Variants in DGKB observed in about 807,000 individuals in gnomAD.
The protein encoded by DGKB is diacylglycerol kinase beta, also known as 90 kDa diacylglycerol kinase.
Under a neutral mutation model 114.3 loss-of-function variants are expected in DGKB, and 67 were observed. That is an observed-to-expected ratio of 0.59 (90% CI 0.48 to 0.72). The LOEUF is 0.72. Ranked by LOEUF, DGKB falls within the 30% of genes least tolerant of loss-of-function variation. The pLI is 0.00. For missense variants in DGKB, 907 were observed against 975.2 expected (o/e 0.93, Z 0.93); for synonymous variants, 398 against 323.1 (o/e 1.23, Z -2.49).
At chr7:14,239,085 G>C (rs900402840) in intron 23 of DGKB, among the ~76,000 whole-genome samples, 1 of 151,838 alleles carries the variant, frequency 6.6e-6, no homozygotes, top group Non-Finnish European at 1.5e-5. Context: ...TTTTGCATTC[G>C]TGTTAGGCTT....
At chr7:14,294,589 G>A (rs1470420651) in intron 23 of DGKB, among the ~76,000 whole-genome samples, 1 of 152,164 alleles carries the variant, frequency 6.6e-6, no homozygotes, top group African/African-American at 2.4e-5. Context: ...TTCAGCTAAA[G>A]TTTATAGGGC....
At chr7:14,910,877 A>G (rs1207250224) in intron 1 of DGKB, among the ~76,000 whole-genome samples, 2 of 152,168 alleles carry the variant, frequency 1.3e-5, no homozygotes, top group Non-Finnish European at 2.9e-5. Flanking sequence ...TGCTTGAAAT[A>G]TTGATATTTT....
In DGKB at chr7:14,590,540, C is replaced by T. The variant is rs1056396289; in HGVS notation, c.1434-7403G>A. 3.3e-5 allele frequency among the ~76,000 whole-genome samples: 5 copies of T among 152,250 alleles called. No individual in the cohort carries two copies. In the East Asian group the frequency reaches 9.7e-4, roughly 29 times the overall value. ...ACCCCCAAACATAAACCCCATGTGA[C>T]TGTCAGACCAGCTTACTCTCTGTAA... On this transcript the variant is annotated intron_variant, in intron 17 of 25. Transcript: ENST00000402815.
intron 25 of DGKB, among the ~76,000 whole-genome samples, chr7:14,151,278 A>C (rs1000456587): frequency 6.6e-6 from 1 of 151,998 alleles, no homozygotes; most frequent in African/African-American, 2.4e-5. Context: ...ATTTCCAAAT[A>C]GTTGTTAAGA....
In DGKB at chr7:14,630,236, C is replaced by T. The variant is rs1157919165; in HGVS notation, c.1167G>A (p.Glu389=). The T allele has an allele frequency of 1.9e-6, 3 of 1,552,498 alleles. No individual in the cohort carries two copies. The highest frequency in any genetic ancestry group is 1.4e-5 in the African/African-American group (1 of 72,774). ...TGAAAACCTGTTTTTGCTTACGCAC[C>T]TCAGGAACTGAAACTCCTGAAGTGG... ...TLPTSGVSVP[E]ERQSTVKKEK... The change falls in exon 14 of 26, where the codon GAG becomes GAA. Residue 389 remains glutamate, a splice_region_variant and synonymous_variant. Coordinates refer to ENST00000402815, the MANE Select transcript of DGKB (RefSeq NM_001350709.2).
intron 21 of DGKB, among the ~76,000 whole-genome samples, chr7:14,385,055 TGGA>T (rs1820101398): frequency 6.6e-6 from 1 of 152,146 alleles, no homozygotes; most frequent in African/African-American, 2.4e-5. Flanking sequence ...TTCTTGGTGG[TGGA>T]GGTTTTGCTG....
chr7:14,249,595 A>AT (rs1794940695), intron 23 of DGKB, among the ~76,000 whole-genome samples: 2 of 151,912 alleles, frequency 1.3e-5, no homozygotes, highest in Admixed American at 1.3e-4. Flanking sequence ...AAATTTAACC[A>AT]TTTTTTCAAG....
chr7:14,730,306 G>C (rs1466306120), intron 5 of DGKB, among the ~76,000 whole-genome samples: 3 of 152,194 alleles, frequency 2.0e-5, no homozygotes, highest in Non-Finnish European at 4.4e-5. Context: ...AGAAGGGACA[G>C]GGATGCTACA....
At chr7:14,788,881 T>C (rs1178440358) in intron 2 of DGKB, among the ~76,000 whole-genome samples, 1 of 152,024 alleles carries the variant, frequency 6.6e-6, no homozygotes, top group Non-Finnish European at 1.5e-5. Flanking sequence ...AAACCTGCTT[T>C]TAAAAAAACC....
At chr7:14,344,490 G>A (rs1190139972) in intron 22 of DGKB, among the ~76,000 whole-genome samples, 2 of 151,514 alleles carry the variant, frequency 1.3e-5, no homozygotes, top group Non-Finnish European at 3.0e-5. Flanking sequence ...GCAAATTTTT[G>A]CATTTATTTT....
intron 5 of DGKB, among the ~76,000 whole-genome samples, chr7:14,734,612 A>G (rs532066485): frequency 1.6e-4 from 25 of 152,342 alleles, no homozygotes. Flanking sequence ...CCAGGCATTA[A>G]AGAGATTTGC....
At chr7:14,843,994 G>C (rs1409258352) in intron 1 of DGKB, among the ~76,000 whole-genome samples, 1 of 152,168 alleles carries the variant, frequency 6.6e-6, no homozygotes, top group Non-Finnish European at 1.5e-5. Flanking sequence ...ACTGGTGACT[G>C]AATCTGGTAG....
chr7:14,553,320 G>A (rs2128647659), intron 20 of DGKB, among the ~76,000 whole-genome samples: 1 of 152,284 alleles, frequency 6.6e-6, no homozygotes, highest in Non-Finnish European at 1.5e-5. Context: ...CTAAGAAAAT[G>A]TAGACTAAAT....
chr7:14,549,722 C>T (rs1486888316), intron 20 of DGKB, among the ~76,000 whole-genome samples: 1 of 152,176 alleles, frequency 6.6e-6, no homozygotes. Flanking sequence ...GACATGGTGG[C>T]TCACGCCTGT....
chr7:14,924,819 C>T (rs1470291207), intron 1 of DGKB, among the ~76,000 whole-genome samples: 1 of 152,074 alleles, frequency 6.6e-6, no homozygotes, highest in African/African-American at 2.4e-5. Flanking sequence ...ACCCTTTACC[C>T]AGCTCCTCTC....
intron 2 of DGKB, among the ~76,000 whole-genome samples, chr7:14,774,051 G>T (rs1463437842): frequency 6.6e-6 from 1 of 152,082 alleles, no homozygotes; most frequent in Non-Finnish European, 1.5e-5. Context: ...TTTTTGCCCT[G>T]ACACTCCATT....
intron 2 of DGKB, among the ~76,000 whole-genome samples, chr7:14,840,840 C>G (rs1393554078): frequency 6.6e-6 from 1 of 151,976 alleles, no homozygotes; most frequent in Non-Finnish European, 1.5e-5. Context: ...TTCCTTCTCA[C>G]TCTCTGCGCC....
intron 15 of DGKB, among the ~76,000 whole-genome samples, chr7:14,617,139 C>A (rs957486907): frequency 2.6e-5 from 4 of 151,652 alleles, no homozygotes; most frequent in African/African-American, 9.7e-5. Flanking sequence ...TGATGGCTGC[C>A]ATCAATGCCT....
At position 14,245,167 on chromosome 7, in the gene DGKB, TACAC is replaced by T. The variant is rs111929500; in HGVS notation, c.2123-67020_2123-67017del. On this transcript the variant is annotated intron_variant, in intron 23 of 25. Transcript: ENST00000402815. ...TTAGGGAAATGTGCATATGTACACA[TACAC>T]ACACACACACACACGCACAAAACAC... is the stretch of plus-strand genomic sequence containing the variant. Among the ~76,000 whole-genome samples the T allele has an allele frequency of 4.1e-3, 618 of 149,312 alleles. 4 individuals carry two copies. The highest frequency in any genetic ancestry group is 0.011 in the African/African-American group (465 of 40,946).
Sources: allele counts gnomAD v4.1 joint callset (sites outside exome capture counted in the v4.1 genomes callset), GRCh38; gene constraint gnomAD v4.1.1; transcripts MANE v1.5; gene names NCBI Gene and HGNC (gene_info 2026-07-23, HGNC 2026-07-21).